The following COG7 variants were observed in gnomAD, a reference collection of about 807,000 sequenced individuals.
COG7 encodes the protein conserved oligomeric Golgi complex subunit 7.
Under a neutral mutation model 91.5 loss-of-function variants are expected in COG7, and 49 were observed. The observed-to-expected ratio is 0.54, with a 90% CI of 0.43 to 0.68. COG7 has a LOEUF of 0.68. Among genes scored for constraint, COG7 ranks in the 30% least tolerant of loss-of-function variants. The pLI, the probability that COG7 is intolerant of heterozygous loss-of-function variation, is 0.00. For missense variants in COG7, 895 were observed against 961.3 expected (o/e 0.93, Z 0.91); for synonymous variants, 365 against 388.7 (o/e 0.94, Z 0.72).
chr16:23,410,935 G>A (rs890655582), intron 10 of COG7, among the ~76,000 whole-genome samples: 3 of 152,060 alleles, frequency 2.0e-5, no homozygotes, highest in South Asian at 2.1e-4. Context: ...TCAAACTCCC[G>A]ACCTTAAGTG....
At chr16:23,427,834 C>G (rs1350735713) in intron 6 of COG7, among the ~76,000 whole-genome samples, 1 of 152,192 alleles carries the variant, frequency 6.6e-6, no homozygotes, top group African/African-American at 2.4e-5. Flanking sequence ...ATAGCCTCAT[C>G]AGTTCACCCT....
At chr16:23,404,470 G>T (rs937423829) in intron 12 of COG7, among the ~76,000 whole-genome samples, 3 of 152,236 alleles carry the variant, frequency 2.0e-5, no homozygotes, top group Non-Finnish European at 4.4e-5. Flanking sequence ...TGAGTTTCCA[G>T]AATTGCTTTA....
chr16:23,426,834 A>AAAAAAAAAG (rs1555495229), intron 6 of COG7, among the ~76,000 whole-genome samples: 9 of 146,132 alleles, frequency 6.2e-5, no homozygotes, highest in African/African-American at 2.0e-4. Context: ...AAAAAAAAAA[A>AAAAAAAAAG]AAAGAAAGAA....
intron 13 of COG7, among the ~76,000 whole-genome samples, chr16:23,400,243 C>A (rs1963352036): frequency 6.6e-6 from 1 of 152,034 alleles, no homozygotes; most frequent in Admixed American, 6.6e-5. Flanking sequence ...GTGAATACAG[C>A]AGCTCTGCAG....
intron 1 of COG7, chr16:23,446,445 C>CTTT (rs34254755): frequency 4.4e-4 from 50 of 112,802 alleles, no homozygotes; most frequent in Non-Finnish European, 5.8e-4. Flanking sequence ...TTTCCATGGT[C>CTTT]TTTTTTTTTT....
chr16:23,410,328 T>A lies in COG7; in HGVS notation c.1442A>T (p.His481Leu). 1.2e-6 allele frequency: 2 copies of A among 1,614,118 alleles called. No individual in the cohort carries two copies. Among genetic ancestry groups the A allele is most frequent in the Non-Finnish European group, 1.7e-6 (2 of 1,180,010 alleles). ...TAGCTGCTGCTCGAAGTCCCCACAA[T>A]GCCGCAAAAGCTCTCCACAGGTGGC... ...IIATCGELLR[H>L]CGDFEQQLAN... Residue 481 changes from histidine (H) to leucine (L), a missense_variant, in exon 11 of 17, where the codon CAT (histidine) becomes CTT (leucine). Physicochemically the swap from His to Leu is moderately conservative, Grantham distance 99. Coordinates refer to ENST00000307149, the MANE Select transcript of COG7 (RefSeq NM_153603.4).
intron 4 of COG7, among the ~76,000 whole-genome samples, chr16:23,438,868 T>C (rs1204931849): frequency 1.3e-5 from 2 of 151,682 alleles, no homozygotes; most frequent in Non-Finnish European, 2.9e-5. Context: ...AACATCAGAT[T>C]ACCATATGGC....
chr16:23,452,956 C>T lies in COG7; in HGVS notation c.39G>A (p.Val13=). ...TGAAGGCCGCATTGATCCACTCCTT[C>T]ACGTCGAAGTCGTCTGCCAGGAACT... ...FSKFLADDFD[V]KEWINAAFRA... Residue 13 remains valine, a synonymous_variant, in exon 1 of 17, where the codon GTG becomes GTA. Coordinates refer to ENST00000307149, the MANE Select transcript of COG7 (RefSeq NM_153603.4). 6.2e-7 allele frequency: 1 copy of T among 1,614,118 alleles called. No individual in the cohort carries two copies. The highest frequency in any genetic ancestry group is 8.5e-7 in the Non-Finnish European group (1 of 1,179,962).
At chr16:23,449,045 G>C (rs911939472) in intron 1 of COG7, among the ~76,000 whole-genome samples, 1 of 152,166 alleles carries the variant, frequency 6.6e-6, no homozygotes, top group African/African-American at 2.4e-5. Flanking sequence ...GCCACTGAAT[G>C]TCACCCCTTT....
At chr16:23,430,568 T>C (rs1666246183) in intron 6 of COG7, among the ~76,000 whole-genome samples, 1 of 151,822 alleles carries the variant, frequency 6.6e-6, no homozygotes, top group Non-Finnish European at 1.5e-5. Flanking sequence ...TTGAGATGGA[T>C]TCTCGCTCTG....
intron 10 of COG7, 145 bp downstream of exon 10, chr16:23,413,303 A>G (rs1395345756): frequency 1.4e-6 from 1 of 708,138 alleles, no homozygotes; most frequent in Non-Finnish European, 2.6e-6. Flanking sequence ...TTGTGTTTAG[A>G]GTCTGGAGTA....
chr16:23,426,818 C>CAAAAAAAAAAAAAAA (rs1176659874), intron 6 of COG7, among the ~76,000 whole-genome samples: 3 of 60,312 alleles, frequency 5.0e-5, no homozygotes, highest in Non-Finnish European at 1.0e-4. Flanking sequence ...AGCAATTGGA[C>CAAAAAAAAAAAAAAA]AAAAAAAAAA....
chr16:23,422,153 T>A (rs1196938910), intron 7 of COG7, among the ~76,000 whole-genome samples: 1 of 151,868 alleles, frequency 6.6e-6, no homozygotes, highest in Non-Finnish European at 1.5e-5. Flanking sequence ...CTACAAAAAA[T>A]TTTTAAAAAT....
At chr16:23,416,871 C>T in intron 9 of COG7, 96 bp downstream of exon 9, 1 of 1,431,412 alleles carries the variant, frequency 7.0e-7, no homozygotes, top group Non-Finnish European at 9.7e-7. Flanking sequence ...AAGTGTTTCC[C>T]AGGGTTCAGA....
intron 13 of COG7, among the ~76,000 whole-genome samples, chr16:23,401,443 C>G (rs193080676): frequency 6.6e-6 from 1 of 152,094 alleles, no homozygotes; most frequent in Non-Finnish European, 1.5e-5. Context: ...GGGAAAAGGA[C>G]GGGGGAAGCA....
rs1371249677 is a variant in COG7, at chr16:23,418,694, C to T, written c.1137+6G>A. The T allele has an allele frequency of 1.2e-6, 2 of 1,613,280 alleles. No individual in the cohort carries two copies. The highest frequency in any genetic ancestry group is 1.3e-5 in the African/African-American group (1 of 74,902). On this transcript the variant is annotated splice_donor_region_variant and intron_variant, in intron 8 of 16. Coordinates refer to ENST00000307149, the MANE Select transcript of COG7 (RefSeq NM_153603.4). ...CCTCAGTGGCCCCAGGACACTGCGA[C>T]TTTACCAGAGGCACAGCACTCATCT...
chr16:23,436,616 T>C (rs1000737201), intron 4 of COG7, among the ~76,000 whole-genome samples: 5 of 151,972 alleles, frequency 3.3e-5, no homozygotes, highest in Admixed American at 2.6e-4. Flanking sequence ...ATGCCTGTAA[T>C]CCCAGCTACT....
At chr16:23,450,740 G>A (rs2142099715) in intron 1 of COG7, among the ~76,000 whole-genome samples, 1 of 152,166 alleles carries the variant, frequency 6.6e-6, no homozygotes, top group African/African-American at 2.4e-5. Flanking sequence ...GCTGGGGCAG[G>A]AGAATTCCTC....
chr16:23,388,837 G>A lies in COG7; in HGVS notation c.*83C>T, dbSNP rs1963136940. ...TTTAAAGTAACTTCTGCCCAATCTT[G>A]GGCAGAGTTTCTGAGCAAATCTGTG... On this transcript the variant is annotated 3_prime_UTR_variant, in exon 17 of 17. Coordinates refer to ENST00000307149, the MANE Select transcript of COG7 (RefSeq NM_153603.4). 6.2e-6 allele frequency: 10 copies of A among 1,605,064 alleles called. No homozygotes were observed. The highest frequency in any genetic ancestry group is 1.7e-5 in the Admixed American group (1 of 58,478).
Sources: gnomAD v4.1 joint callset for allele counts (sites outside exome capture counted in the v4.1 genomes callset) on GRCh38, gnomAD v4.1.1 for gene constraint, MANE v1.5 for transcripts, NCBI Gene and HGNC (gene_info 2026-07-23, HGNC 2026-07-21) for gene names.